RAB38: variants seen among roughly 807,000 people sequenced by gnomAD.
RAB38 encodes RAB38, member RAS oncogene family.
RAB38 carries 15 observed loss-of-function variants against 18.4 expected under a neutral mutation model. The observed-to-expected ratio is 0.82, with a 90% CI of 0.55 to 1.26. RAB38 has a LOEUF of 1.26. Ranked by LOEUF, RAB38 falls within the 50% of genes most tolerant of loss-of-function variation. RAB38 has a pLI of 0.00. For missense variants in RAB38, 294 were observed against 267.4 expected (o/e 1.10, Z -0.69); for synonymous variants, 101 against 104.4 (o/e 0.97, Z 0.20).
At chr11:87,900,784 AAG>A in the RAB38 span, among the ~76,000 whole-genome samples, 1 of 151,198 alleles carries the variant, frequency 6.6e-6, no homozygotes, top group Non-Finnish European at 1.5e-5. Context: ...GAGAGAGAAA[AAG>A]AATACAAAAA....
At chr11:87,812,028 A>T in the RAB38 span, among the ~76,000 whole-genome samples, 1 of 152,220 alleles carries the variant, frequency 6.6e-6, no homozygotes, top group African/African-American at 2.4e-5. Context: ...GGCTCCAAAA[A>T]GCTTTGCCAG....
chr11:88,135,817 A>G (rs1258923891), intron 2 of RAB38, among the ~76,000 whole-genome samples: 2 of 152,368 alleles, frequency 1.3e-5, no homozygotes, highest in African/African-American at 4.8e-5. Flanking sequence ...TCAGAAACAT[A>G]TAGTATCCTG....
chr11:88,053,524 G>A, the RAB38 span, among the ~76,000 whole-genome samples: 3 of 148,042 alleles, frequency 2.0e-5, no homozygotes, highest in East Asian at 5.9e-4. Flanking sequence ...TTCTGTTCAT[G>A]TCCTGGAAAA....
At chr11:87,823,235 C>A in the RAB38 span, among the ~76,000 whole-genome samples, 1 of 151,934 alleles carries the variant, frequency 6.6e-6, no homozygotes. Context: ...ATACTGAAAA[C>A]CAGAAAACAT....
chr11:87,892,607 G>A, the RAB38 span, among the ~76,000 whole-genome samples: 1 of 151,726 alleles, frequency 6.6e-6, no homozygotes, highest in South Asian at 2.1e-4. Flanking sequence ...TTCTACTTCA[G>A]CTCCTACTAC....
At chr11:88,044,198 C>T in the RAB38 span, among the ~76,000 whole-genome samples, 1 of 152,138 alleles carries the variant, frequency 6.6e-6, no homozygotes, top group African/African-American at 2.4e-5. Context: ...GATTATTCAC[C>T]CACGTTTCAG....
At chr11:87,967,751 G>T in the RAB38 span, among the ~76,000 whole-genome samples, 1 of 152,144 alleles carries the variant, frequency 6.6e-6, no homozygotes, top group Non-Finnish European at 1.5e-5. Context: ...AAGCTAAGAA[G>T]GAATAAAATG....
chr11:88,041,869 C>T, the RAB38 span, among the ~76,000 whole-genome samples: 1 of 152,120 alleles, frequency 6.6e-6, no homozygotes, highest in Non-Finnish European at 1.5e-5. Context: ...TACCTAAGCG[C>T]AGCCCACATT....
intron 2 of RAB38, among the ~76,000 whole-genome samples, chr11:88,127,040 A>G (rs940913348): frequency 6.6e-6 from 1 of 152,200 alleles, no homozygotes. Context: ...TGGGTTCTGA[A>G]GTTTCATAGG....
chr11:88,166,018 T>A (rs1943239452), intron 1 of RAB38: 1 of 152,078 alleles, frequency 6.6e-6, no homozygotes, highest in African/African-American at 2.4e-5. Context: ...GTAGAGGAGC[T>A]GCCTTTTCAG....
the RAB38 span, among the ~76,000 whole-genome samples, chr11:87,974,268 C>A: frequency 6.6e-6 from 1 of 151,030 alleles, no homozygotes; most frequent in South Asian, 2.1e-4. Flanking sequence ...CAAAGCTCCA[C>A]AGAAAAAATA....
At chr11:88,023,106 T>A in the RAB38 span, among the ~76,000 whole-genome samples, 3 of 152,066 alleles carry the variant, frequency 2.0e-5, no homozygotes, top group African/African-American at 7.2e-5. Flanking sequence ...CCTGATGACA[T>A]AAGCCTACCT....
the RAB38 span, among the ~76,000 whole-genome samples, chr11:87,938,717 T>A: frequency 6.6e-6 from 1 of 151,016 alleles, no homozygotes; most frequent in South Asian, 2.1e-4. Context: ...TAAAATTGTT[T>A]GTGACCATGC....
At chr11:88,065,180 A>G in the RAB38 span, among the ~76,000 whole-genome samples, 8 of 152,188 alleles carry the variant, frequency 5.3e-5, no homozygotes, top group Non-Finnish European at 7.3e-5. Context: ...TGTGACACTC[A>G]GGTGCAGGTT....
the RAB38 span, among the ~76,000 whole-genome samples, chr11:87,858,025 T>C: frequency 1.3e-5 from 2 of 152,190 alleles, no homozygotes; most frequent in East Asian, 1.9e-4. Flanking sequence ...TAATCCACCT[T>C]GAATTATTTT....
chr11:88,030,331 G>A, the RAB38 span, among the ~76,000 whole-genome samples: 1 of 152,068 alleles, frequency 6.6e-6, no homozygotes, highest in East Asian at 1.9e-4. Flanking sequence ...AGAAAAGCAA[G>A]AGCAAACACA....
chr11:88,108,449 T>G (rs565086654), downstream of RAB38, among the ~76,000 whole-genome samples: 1 of 152,346 alleles, frequency 6.6e-6, no homozygotes, highest in African/African-American at 2.4e-5. Context: ...ACCCGGTTTT[T>G]GTTTTTGTTT....
At chr11:88,106,918 T>G in the RAB38 span, among the ~76,000 whole-genome samples, 3 of 152,172 alleles carry the variant, frequency 2.0e-5, no homozygotes, top group African/African-American at 7.2e-5. Flanking sequence ...AAATGCTAGT[T>G]GGAACATCTG....
At chr11:87,833,458 G>A in the RAB38 span, among the ~76,000 whole-genome samples, 3 of 152,026 alleles carry the variant, frequency 2.0e-5, no homozygotes, top group Non-Finnish European at 4.4e-5. Flanking sequence ...AAATCTTTCT[G>A]TTGACATCTC....
Sources: gnomAD v4.1 joint callset for allele counts (sites outside exome capture counted in the v4.1 genomes callset) on GRCh38, gnomAD v4.1.1 for gene constraint, MANE v1.5 for transcripts, NCBI Gene and HGNC (gene_info 2026-07-23, HGNC 2026-07-21) for gene names.